IKZF2: variants seen among roughly 807,000 people sequenced by gnomAD.
IKZF2 encodes IKAROS family zinc finger 2.
A neutral mutation model predicts 49.2 loss-of-function variants in IKZF2; 15 were observed. That is an observed-to-expected ratio of 0.30 (90% CI 0.20 to 0.47). The LOEUF (loss-of-function observed/expected upper bound fraction) is 0.47, where lower values mean the gene tolerates loss of function less well. Ranked by LOEUF, IKZF2 falls within the 20% of genes least tolerant of loss-of-function variation. IKZF2 has a pLI of 1.00. For missense variants in IKZF2, 567 were observed against 664.6 expected, an observed-to-expected ratio of 0.85 and a Z score of 1.61; for synonymous variants, 227 against 221.4, an observed-to-expected ratio of 1.03 and a Z score of -0.23.
At chr2:213,043,001 T>C (rs1015662305) in intron 6 of IKZF2, among the ~76,000 whole-genome samples, 2 of 152,172 alleles carry the variant, frequency 1.3e-5, no homozygotes, top group African/African-American at 4.8e-5. Context: ...AAAGAAACCA[T>C]GGAAAATGCT....
Position 213,001,855 on chromosome 2 carries a change from T to C in IKZF2, c.*5505A>G, listed in dbSNP as rs186695370. 6.6e-6 allele frequency: 1 copy of C among 151,824 alleles called. No homozygotes were observed. The highest frequency in any genetic ancestry group is 2.4e-5 in the African/African-American group (1 of 41,376). 9.4% of individuals were successfully genotyped at this position (151,824 alleles called of 1,614,324 possible). Reference sequence around the variant, plus strand: ...TGCTTGACTGTAAAAAATTTTTAAATCACAGTTTCAGAATTTGAACTACTT... The same window carrying C: ...TGCTTGACTGTAAAAAATTTTTAAACCACAGTTTCAGAATTTGAACTACTT... On this transcript the variant is annotated 3_prime_UTR_variant, in exon 9 of 9. Transcript: ENST00000434687.
At chr2:213,092,682 G>C (rs1346236525) in intron 4 of IKZF2, among the ~76,000 whole-genome samples, 1 of 152,022 alleles carries the variant, frequency 6.6e-6, no homozygotes, top group African/African-American at 2.4e-5. Flanking sequence ...CTTCCCTAAG[G>C]TACTAACTAC....
rs1300113628 is a variant in IKZF2, at chr2:213,151,396, G to C, written c.-120+17C>G. The C allele has an allele frequency of 6.6e-6, 1 of 152,384 alleles. No homozygotes were observed. The highest frequency in any genetic ancestry group is 1.5e-5 in the Non-Finnish European group (1 of 68,016). 9.4% of individuals were successfully genotyped at this position (152,384 alleles called of 1,614,324 possible). On this transcript the variant is annotated intron_variant, in intron 1 of 8. Coordinates refer to ENST00000434687, the MANE Select transcript of IKZF2 (RefSeq NM_001387220.1). ...AAGAGCTGTTCTTCACCACGCAAAA[G>C]CCAAGCGGAGATTTACCTCAGCAGT...
rs183395999 is a variant in IKZF2 at position 213,102,822 on chromosome 2, C to G, written c.139+44886G>C. ...GCTTCCTCAGTAATATTCTGCTGCT[C>G]TACAACAGTAAGCAAAACAGCAAGC... On this transcript the variant is annotated intron_variant, in intron 4 of 8. Coordinates refer to ENST00000434687, the MANE Select transcript of IKZF2 (RefSeq NM_001387220.1). Among the ~76,000 whole-genome samples, 137 of 152,042 alleles carry G rather than the reference C, an allele frequency of 9.0e-4. 1 individual carries two copies. The Middle Eastern group carries it at 0.014, about 15-fold the overall frequency.
At chr2:213,078,555 A>G (rs1192009174) in intron 4 of IKZF2, among the ~76,000 whole-genome samples, 1 of 152,258 alleles carries the variant, frequency 6.6e-6, no homozygotes, top group Non-Finnish European at 1.5e-5. Context: ...CGCAGAAAAC[A>G]GAATTATTTG....
chr2:213,116,239 AG>A (rs1394932581), intron 4 of IKZF2, among the ~76,000 whole-genome samples: 3 of 152,232 alleles, frequency 2.0e-5, no homozygotes, highest in African/African-American at 7.2e-5. Context: ...GTATGTGCTT[AG>A]AAACATGAAA....
At chr2:213,039,387 G>T (rs776914031) in intron 6 of IKZF2, among the ~76,000 whole-genome samples, 17 of 151,934 alleles carry the variant, frequency 1.1e-4, no homozygotes, top group Non-Finnish European at 1.6e-4. Flanking sequence ...TTTTTTAGTT[G>T]GGAGGAAGTT....
At chr2:213,141,610 C>T (rs1287615483) in intron 4 of IKZF2, among the ~76,000 whole-genome samples, 1 of 151,776 alleles carries the variant, frequency 6.6e-6, no homozygotes, top group South Asian at 2.1e-4. Context: ...CTCCTAAATC[C>T]TATTCATTTA....
chr2:213,146,588 A>C (rs1209137368), intron 4 of IKZF2, among the ~76,000 whole-genome samples: 1 of 152,080 alleles, frequency 6.6e-6, no homozygotes, highest in African/African-American at 2.4e-5. Context: ...TAAATTGCTT[A>C]AATTTCAGTA....
chr2:213,050,772 T>C (rs932633907), intron 5 of IKZF2, among the ~76,000 whole-genome samples: 1 of 152,134 alleles, frequency 6.6e-6, no homozygotes, highest in South Asian at 2.1e-4. Context: ...TATAAAAACA[T>C]GTACGCAATG....
In IKZF2 at chr2:213,120,262, A is replaced by G. The variant is rs75934289; in HGVS notation, c.139+27446T>C. Among the ~76,000 whole-genome samples, 22 of 152,354 alleles carry G rather than the reference A, an allele frequency of 1.4e-4. No individual in the cohort carries two copies. In the East Asian group the frequency reaches 3.3e-3, roughly 23 times the overall value. ...ATAGCAATACAATGTGGTGAATACTATAATAGATACATGTACATACTCAGT... is the reference window on the plus strand; with the variant it reads ...ATAGCAATACAATGTGGTGAATACTGTAATAGATACATGTACATACTCAGT... On this transcript the variant is annotated intron_variant, in intron 4 of 8. Coordinates refer to ENST00000434687, the MANE Select transcript of IKZF2 (RefSeq NM_001387220.1).
chr2:213,145,030 AC>A (rs1425024365), intron 4 of IKZF2, among the ~76,000 whole-genome samples: 1 of 151,816 alleles, frequency 6.6e-6, no homozygotes, highest in Admixed American at 6.6e-5. Context: ...TTGCACAGAA[AC>A]CCTTCATCTT....
chr2:213,069,249 T>C (rs1400193317), intron 4 of IKZF2, among the ~76,000 whole-genome samples: 3 of 152,146 alleles, frequency 2.0e-5, no homozygotes, highest in Non-Finnish European at 4.4e-5. Flanking sequence ...CCTTGATCCC[T>C]GTGACAAGCT....
intron 8 of IKZF2, among the ~76,000 whole-genome samples, chr2:213,009,200 T>G (rs1695673105): frequency 6.6e-6 from 1 of 152,110 alleles, no homozygotes; most frequent in Non-Finnish European, 1.5e-5. Flanking sequence ...AATATACACC[T>G]CAACAAATAT....
chr2:213,033,531 T>A (rs577544812), intron 6 of IKZF2, among the ~76,000 whole-genome samples: 2 of 152,364 alleles, frequency 1.3e-5, no homozygotes, highest in Admixed American at 1.3e-4. Flanking sequence ...GAATATATGC[T>A]GTATTAACAG....
intron 4 of IKZF2, among the ~76,000 whole-genome samples, chr2:213,076,025 C>T (rs9288466): frequency 0.055 from 8,319 of 152,092 alleles, 753 homozygotes; most frequent in African/African-American, 0.19. Flanking sequence ...TTAAAACACA[C>T]AGACACACTA....
intron 5 of IKZF2, among the ~76,000 whole-genome samples, chr2:213,054,785 C>T (rs1317032588): frequency 6.6e-6 from 1 of 152,100 alleles, no homozygotes; most frequent in African/African-American, 2.4e-5. Flanking sequence ...TTGAGTGAGT[C>T]TCGTATTCCT....
chr2:213,150,415 G>A, intron 1 of IKZF2, 168 bp from the exon 2 acceptor site: 1 of 269,702 alleles, frequency 3.7e-6, no homozygotes, highest in East Asian at 9.7e-5. Flanking sequence ...AAACAGATCG[G>A]CTGATAAACA....
chr2:213,091,413 A>G (rs1427761420), intron 4 of IKZF2, among the ~76,000 whole-genome samples: 1 of 152,208 alleles, frequency 6.6e-6, no homozygotes, highest in East Asian at 1.9e-4. Flanking sequence ...TTGAACAACC[A>G]CACCCAAACA....
Sources: gnomAD v4.1 joint callset for allele counts (sites outside exome capture counted in the v4.1 genomes callset) on GRCh38, gnomAD v4.1.1 for gene constraint, MANE v1.5 for transcripts, NCBI Gene and HGNC (gene_info 2026-07-23, HGNC 2026-07-21) for gene names.